KALRN: variants seen among roughly 807,000 people sequenced by gnomAD.
KALRN encodes kalirin.
A neutral mutation model predicts 353.7 loss-of-function variants in KALRN; 70 were observed. The observed-to-expected ratio is 0.20, with a 90% CI of 0.16 to 0.24. The LOEUF is 0.24. KALRN is among the 10% of genes least tolerant of loss of function. KALRN has a pLI of 1.00. For synonymous variants in KALRN, 1,391 were observed against 1,434.8 expected (o/e 0.97, Z 0.69); for missense variants, 2,791 against 3,756.7 (o/e 0.74, Z 6.72).
intron 33 of KALRN, among the ~76,000 whole-genome samples, chr3:124,520,514 C>G (rs1369415172): frequency 6.6e-6 from 1 of 152,150 alleles, no homozygotes; most frequent in African/African-American, 2.4e-5. Context: ...TAACTAATGC[C>G]TGATAATGTG....
intron 1 of KALRN, among the ~76,000 whole-genome samples, chr3:124,211,381 T>C (rs959114671): frequency 6.6e-6 from 1 of 152,322 alleles, no homozygotes; most frequent in East Asian, 1.9e-4. Context: ...ATAAGAAAAA[T>C]GACTCAAAAT....
At position 124,645,652 on chromosome 3, in the gene KALRN, C is replaced by CG. The variant is rs1559756602; in HGVS notation, c.5665-5156_5665-5155insG. On this transcript the variant is annotated intron_variant, in intron 37 of 59. Coordinates refer to ENST00000682506, the MANE Select transcript of KALRN (RefSeq NM_001388419.1). ...TCTCTCTCTCTCTCTCTCTCTCTCT[C>CG]TCTCTCTGTGCGTGTGTGTGTGTGT... Among the ~76,000 whole-genome samples, 142 of 134,284 alleles carry CG rather than the reference C, an allele frequency of 1.1e-3. 1 individual carries two copies. The highest frequency in any genetic ancestry group is 3.5e-3 in the African/African-American group (134 of 37,804). The allele number at this position is 134,284 out of a possible 152,430, so 88.1% of individuals were successfully genotyped here.
chr3:124,471,345 C>T (rs1043149467), intron 25 of KALRN, among the ~76,000 whole-genome samples: 1 of 151,070 alleles, frequency 6.6e-6, no homozygotes, highest in Non-Finnish European at 1.5e-5. Context: ...AGTGCAATGG[C>T]GCGATCTCAG....
At position 124,477,235 on chromosome 3, in the gene KALRN, T is replaced by A. The variant is rs1325372818; in HGVS notation, c.4102-10T>A. The stretch of plus-strand genomic sequence containing the variant: ...GAATGCTTATCTATTATTATCTTTG[T>A]TCTTTTTAGGCAGACAAATTTCAGA... On this transcript the variant is annotated splice_polypyrimidine_tract_variant and intron_variant, in intron 26 of 59. Coordinates refer to ENST00000682506, the MANE Select transcript of KALRN (RefSeq NM_001388419.1). 1 of 1,592,092 alleles carries A rather than the reference T, an allele frequency of 6.3e-7. No individual in the cohort carries two copies. Among genetic ancestry groups the A allele is most frequent in the Non-Finnish European group, 8.6e-7 (1 of 1,160,284 alleles).
intron 37 of KALRN, among the ~76,000 whole-genome samples, chr3:124,639,862 G>A (rs1286042226): frequency 6.6e-6 from 1 of 152,216 alleles, no homozygotes; most frequent in Non-Finnish European, 1.5e-5. Context: ...TCACGTCACA[G>A]AAAGGAAAGA....
chr3:124,410,332 G>T (rs542169491), intron 13 of KALRN: 40 of 513,588 alleles, frequency 7.8e-5, no homozygotes, highest in South Asian at 5.8e-4. Flanking sequence ...AAAAGAAAAG[G>T]CAGGCTCTTC....
intron 1 of KALRN, chr3:124,164,718 C>A (rs1285027090): frequency 6.6e-6 from 1 of 151,904 alleles, no homozygotes; most frequent in Admixed American, 6.6e-5. Context: ...TTTTCCTATC[C>A]CTTTCCTGTT....
At chr3:124,671,978 T>C in intron 48 of KALRN, 80 bp downstream of exon 48, 4 of 1,086,648 alleles carry the variant, frequency 3.7e-6, no homozygotes, top group East Asian at 2.4e-5. Context: ...AGAAGGAGTC[T>C]CGGTCTGTCA....
At chr3:124,227,477 G>A (rs144712346) in intron 1 of KALRN, among the ~76,000 whole-genome samples, 5 of 152,106 alleles carry the variant, frequency 3.3e-5, no homozygotes, top group Non-Finnish European at 5.9e-5. Flanking sequence ...ACTAATAGTT[G>A]TTGTGCCAGA....
At chr3:124,281,194 C>T (rs2075308864) in intron 5 of KALRN, among the ~76,000 whole-genome samples, 1 of 152,204 alleles carries the variant, frequency 6.6e-6, no homozygotes, top group African/African-American at 2.4e-5. Context: ...GGTTTGTTCA[C>T]CTCTAGTCTC....
intron 1 of KALRN, among the ~76,000 whole-genome samples, chr3:124,035,465 G>A (rs1243477972): frequency 1.3e-5 from 2 of 152,132 alleles, no homozygotes. Flanking sequence ...CATTTTCTTA[G>A]CTCTGAGGGA....
chr3:124,393,349 T>C (rs1576546172), intron 11 of KALRN, among the ~76,000 whole-genome samples: 1 of 152,238 alleles, frequency 6.6e-6, no homozygotes, highest in Non-Finnish European at 1.5e-5. Context: ...TTAGAAAATG[T>C]GTTTTCTCTC....
At chr3:124,069,649 T>G (rs575692796) in intron 1 of KALRN, among the ~76,000 whole-genome samples, 1 of 151,880 alleles carries the variant, frequency 6.6e-6, no homozygotes, top group Non-Finnish European at 1.5e-5. Context: ...AACCATTGAG[T>G]GTTTTTGAGT....
At chr3:124,175,195 T>C (rs1225035874) in intron 1 of KALRN, among the ~76,000 whole-genome samples, 1 of 152,248 alleles carries the variant, frequency 6.6e-6, no homozygotes, top group African/African-American at 2.4e-5. Context: ...GCACATGGAA[T>C]ATCAACAGAC....
intron 1 of KALRN, among the ~76,000 whole-genome samples, chr3:124,121,093 C>CAAAAAAAAAAA (rs35883031): frequency 4.0e-5 from 3 of 75,144 alleles, no homozygotes; most frequent in African/African-American, 5.3e-5. Context: ...GACTCCATCT[C>CAAAAAAAAAAA]AAAAAAAAAA....
At chr3:124,629,954 T>G (rs548856828) in intron 34 of KALRN, among the ~76,000 whole-genome samples, 1 of 152,284 alleles carries the variant, frequency 6.6e-6, no homozygotes, top group East Asian at 1.9e-4. Flanking sequence ...AATTATTACT[T>G]AGGAATTTTC....
In KALRN at chr3:124,408,085, T is replaced by A. The variant is rs548474776; in HGVS notation, c.2347-5385T>A. 5.5e-4 allele frequency among the ~76,000 whole-genome samples: 84 copies of A among 152,274 alleles called. No individual in the cohort carries two copies. The South Asian group carries it at 0.016, about 29-fold the overall frequency. On this transcript the variant is annotated intron_variant, in intron 13 of 59. Transcript: ENST00000682506. ...ACTGTGCCTGGCCAAAACTTTTTTT[T>A]AAAAAGGAAAAGAAATACTGGAGGA...
chr3:124,155,867 C>T (rs1217692529), intron 1 of KALRN, among the ~76,000 whole-genome samples: 1 of 152,156 alleles, frequency 6.6e-6, no homozygotes, highest in Non-Finnish European at 1.5e-5. Context: ...CACACAGAGC[C>T]TTTACCTTCT....
chr3:124,131,581 A>G (rs752872680), intron 1 of KALRN, among the ~76,000 whole-genome samples: 1 of 152,216 alleles, frequency 6.6e-6, no homozygotes, highest in Non-Finnish European at 1.5e-5. Context: ...CAATGCTGTG[A>G]CTTTAAAGAA....
Sources: gnomAD v4.1 joint callset for allele counts (sites outside exome capture counted in the v4.1 genomes callset) on GRCh38, gnomAD v4.1.1 for gene constraint, MANE v1.5 for transcripts, NCBI Gene and HGNC (gene_info 2026-07-23, HGNC 2026-07-21) for gene names.